Variants in VTI1B observed in about 807,000 individuals in gnomAD.
VTI1B encodes the protein vesicle transport through interaction with t-SNAREs homolog 1B.
In VTI1B, 18 loss-of-function variants were observed where a neutral mutation model predicts 28.6. The ratio of observed to expected loss-of-function variants is 0.63; its 90% CI spans 0.43 to 0.93. VTI1B has a LOEUF of 0.93. Among genes scored for constraint, VTI1B ranks in the 40% least tolerant of loss-of-function variants. The pLI is 0.00. For missense variants in VTI1B, 283 were observed against 297.0 expected (o/e 0.95, Z 0.35); for synonymous variants, 100 against 107.9 (o/e 0.93, Z 0.46).
intron 4 of VTI1B, among the ~76,000 whole-genome samples, chr14:67,653,754 T>C (rs1478245763): frequency 6.6e-6 from 1 of 152,198 alleles, no homozygotes; most frequent in African/African-American, 2.4e-5. Flanking sequence ...GAGCTAATCT[T>C]CTACCGTGGC....
rs1393665427 is a variant in VTI1B at position 67,649,898 on chromosome 14, T to C, written c.*1487A>G. ...TAACCAACTAAAAAGTTAAATTCTA[T>C]AGAGAAGTGAGGCATTTAGAGGGGT... On this transcript the variant is annotated 3_prime_UTR_variant, in exon 6 of 6. Transcript: ENST00000554659. 6.6e-6 allele frequency: 1 copy of C among 152,190 alleles called. No homozygotes were observed. Among genetic ancestry groups the C allele is most frequent in the Non-Finnish European group, 1.5e-5 (1 of 68,042 alleles). 9.4% of individuals were successfully genotyped at this position (152,190 alleles called of 1,614,324 possible).
intron 4 of VTI1B, among the ~76,000 whole-genome samples, chr14:67,653,747 C>T (rs1594833882): frequency 6.6e-6 from 1 of 152,202 alleles, no homozygotes; most frequent in East Asian, 1.9e-4. Flanking sequence ...TGAGACTGAG[C>T]TAATCTTCTA....
intron 1 of VTI1B, among the ~76,000 whole-genome samples, chr14:67,666,435 TAAC>T (rs2037402718): frequency 6.6e-6 from 1 of 152,224 alleles, no homozygotes; most frequent in Non-Finnish European, 1.5e-5. Flanking sequence ...AAGTGCTCTA[TAAC>T]AACATACTTT....
At chr14:67,652,292 TA>T (rs2037192831) in intron 5 of VTI1B, 1 of 152,602 alleles carries the variant, frequency 6.6e-6, no homozygotes, top group Non-Finnish European at 1.5e-5. Context: ...AAGAAGGACT[TA>T]TTTATTCTCT....
chr14:67,659,260 C>T (rs2140820391), intron 3 of VTI1B, among the ~76,000 whole-genome samples: 1 of 152,254 alleles, frequency 6.6e-6, no homozygotes, highest in East Asian at 1.9e-4. Context: ...GCCATCTTGA[C>T]ATTAAGGTAA....
Position 67,648,035 on chromosome 14 carries a change from C to T in VTI1B, c.*3350G>A. On this transcript the variant is annotated 3_prime_UTR_variant, in exon 6 of 6. Coordinates refer to ENST00000554659, the MANE Select transcript of VTI1B (RefSeq NM_006370.3). ...ATTATTTTAAGTATTATTTTATCCT[C>T]TTCCTTTTTAGGAGACAAAGACCAA... 1 of 1,597,860 alleles carries T rather than the reference C, an allele frequency of 6.3e-7. No homozygotes were observed. The highest frequency in any genetic ancestry group is 1.1e-5 in the South Asian group (1 of 89,230).
Position 67,671,488 on chromosome 14 carries a change from T to C in VTI1B, c.115+2887A>G, listed in dbSNP as rs533917423. ...TTGCAGTGAGCTGAGATTGTACCAC[T>C]GCACTCCAGCCTGGGCGACAGAGCA... On this transcript the variant is annotated intron_variant, in intron 1 of 5. Transcript: ENST00000554659. Among the ~76,000 whole-genome samples the C allele has an allele frequency of 3.6e-4, 55 of 151,986 alleles. No individual in the cohort carries two copies. The East Asian group carries it at 9.9e-3, about 27-fold the overall frequency.
chr14:67,668,321 C>T (rs370737171), intron 1 of VTI1B, among the ~76,000 whole-genome samples: 2 of 151,964 alleles, frequency 1.3e-5, no homozygotes, highest in African/African-American at 4.8e-5. Flanking sequence ...AAATTATGGC[C>T]ATAGGTATTT....
intron 3 of VTI1B, among the ~76,000 whole-genome samples, chr14:67,657,520 G>C (rs2037273848): frequency 6.6e-6 from 1 of 152,024 alleles, no homozygotes; most frequent in African/African-American, 2.4e-5. Flanking sequence ...AAGTAGCCTT[G>C]TCAGGCCAGA....
Position 67,647,369 on chromosome 14 carries a change from T to G in VTI1B, c.*4016A>C. The G allele has an allele frequency of 5.1e-6, 1 of 197,142 alleles. No homozygotes were observed. Among genetic ancestry groups the G allele is most frequent in the East Asian group, 1.3e-4 (1 of 7,434 alleles). 12.2% of individuals were successfully genotyped at this position (197,142 alleles called of 1,614,324 possible). On this transcript the variant is annotated 3_prime_UTR_variant, in exon 6 of 6. Transcript: ENST00000554659. ...ATCTGAGTTTTATATTAAGCAAATC[T>G]TGGCAGTGTAGAAAGATGGCAGATG... is the stretch of plus-strand genomic sequence containing the variant.
In VTI1B at chr14:67,648,108, G is replaced by C. The variant is rs1251048958; in HGVS notation, c.*3277C>G. 6.2e-7 allele frequency: 1 copy of C among 1,613,976 alleles called. No individual in the cohort carries two copies. Among genetic ancestry groups the C allele is most frequent in the Non-Finnish European group, 8.5e-7 (1 of 1,179,886 alleles). ...TGCATTTGACCCTACACTGGCTCCA[G>C]CCACAGGAACTCCTGTTGTCGGGGG... On this transcript the variant is annotated 3_prime_UTR_variant, in exon 6 of 6. Transcript: ENST00000554659.
intron 2 of VTI1B, among the ~76,000 whole-genome samples, chr14:67,660,936 T>C (rs913228888): frequency 2.6e-5 from 4 of 152,156 alleles, no homozygotes; most frequent in Non-Finnish European, 5.9e-5. Context: ...TAAGAAAAGC[T>C]CCCAGTACTC....
chr14:67,666,061 A>G (rs1026180029), intron 1 of VTI1B, among the ~76,000 whole-genome samples: 3 of 152,210 alleles, frequency 2.0e-5, no homozygotes, highest in Non-Finnish European at 4.4e-5. Flanking sequence ...CTGTCCCAAA[A>G]GTGCTGAGCA....
intron 2 of VTI1B, 85 bp downstream of exon 2, chr14:67,662,392 A>G: frequency 1.7e-6 from 2 of 1,162,972 alleles, no homozygotes; most frequent in Non-Finnish European, 2.5e-6. Flanking sequence ...GGACAGGAAC[A>G]GTTAATTTGT....
intron 2 of VTI1B, among the ~76,000 whole-genome samples, chr14:67,660,559 G>A (rs1435170092): frequency 6.6e-6 from 1 of 152,116 alleles, no homozygotes; most frequent in Non-Finnish European, 1.5e-5. Context: ...AATGATAGGG[G>A]TCTGGCATCA....
In VTI1B at chr14:67,649,842, C is replaced by T. The variant is rs2140789832; in HGVS notation, c.*1543G>A. 6.6e-6 allele frequency: 1 copy of T among 152,248 alleles called. No individual in the cohort carries two copies. Among genetic ancestry groups the T allele is most frequent in the African/African-American group, 2.4e-5 (1 of 41,538 alleles). 9.4% of individuals were successfully genotyped at this position (152,248 alleles called of 1,614,324 possible). ...TCTTAGATACTTGTATTCCTGAATA[C>T]TAGCTTGTTCAGATCACCCTTCATC... On this transcript the variant is annotated 3_prime_UTR_variant, in exon 6 of 6. Transcript: ENST00000554659.
At chr14:67,654,220 CAT>C (rs1353379249) in intron 4 of VTI1B, among the ~76,000 whole-genome samples, 2 of 152,224 alleles carry the variant, frequency 1.3e-5, no homozygotes, top group South Asian at 2.1e-4. Context: ...AATAACCCCA[CAT>C]GTCCCCAAGT....
In VTI1B at chr14:67,657,220, CTTCT is replaced by C. The variant is rs372327574; in HGVS notation, c.367-635_367-632del. On this transcript the variant is annotated intron_variant, in intron 3 of 5. Transcript: ENST00000554659. Reference sequence around the variant, plus strand: ...GTGGTATTGCCTAGATGACTACATTCTTCTTTTTCAGCTTCTAAAGAAAGCATGT... The same window carrying C: ...GTGGTATTGCCTAGATGACTACATTCTTTTCAGCTTCTAAAGAAAGCATGT... The C allele has an allele frequency of 3.0e-4, 46 of 152,274 alleles. 1 individual carries two copies. Among genetic ancestry groups the C allele is most frequent in the African/African-American group, 1.1e-3 (45 of 41,546 alleles). 9.4% of individuals were successfully genotyped at this position (152,274 alleles called of 1,614,324 possible).
Position 67,650,961 on chromosome 14 carries a change from G to C in VTI1B, c.*424C>G, listed in dbSNP as rs2140793374. 6.3e-7 allele frequency: 1 copy of C among 1,579,030 alleles called. No individual in the cohort carries two copies. Among genetic ancestry groups the C allele is most frequent in the East Asian group, 2.2e-5 (1 of 44,736 alleles). ...GACATGTTTCACAACAGGCATTCCA[G>C]AATTATGAGGCATTGAGGGGATAGA... On this transcript the variant is annotated 3_prime_UTR_variant, in exon 6 of 6. Transcript: ENST00000554659.
Sources: gnomAD v4.1 joint callset for allele counts (sites outside exome capture counted in the v4.1 genomes callset) on GRCh38, gnomAD v4.1.1 for gene constraint, MANE v1.5 for transcripts, NCBI Gene and HGNC (gene_info 2026-07-23, HGNC 2026-07-21) for gene names.